Variants in LRRC56 observed in about 807,000 individuals in gnomAD.
LRRC56 encodes leucine rich repeat containing 56.
LRRC56 carries 41 observed loss-of-function variants against 47.8 expected under a neutral mutation model. The ratio of observed to expected loss-of-function variants is 0.86; its 90% CI spans 0.67 to 1.11. The LOEUF is 1.11. Ranked by LOEUF, LRRC56 falls within the 50% of genes most tolerant of loss-of-function variation. LRRC56 has a pLI of 0.00. For synonymous variants in LRRC56, 387 were observed against 311.2 expected (o/e 1.24, Z -2.56); for missense variants, 759 against 704.2 (o/e 1.08, Z -0.88).
upstream of LRRC56, chr11:532,688 G>C (rs1171786943): frequency 6.2e-7 from 1 of 1,613,182 alleles, no homozygotes; most frequent in Non-Finnish European, 8.5e-7. Flanking sequence ...CTCATCAGGA[G>C]GGTTCAGCTT....
chr11:546,079 T>C (rs180773024), intron 6 of LRRC56, among the ~76,000 whole-genome samples: 2 of 151,982 alleles, frequency 1.3e-5, no homozygotes, highest in East Asian at 1.9e-4. Flanking sequence ...GAGACCAGCC[T>C]GACCAACATG....
rs1337564787 is a variant in LRRC56, at chr11:551,657, C to A, written c.803C>A (p.Pro268His). Residue 268 changes from proline (P) to histidine (H), a missense_variant, in exon 10 of 14, where the codon CCC becomes CAC. Transcript: ENST00000270115. ...GCTTCTGAACCTCGGGCAGACTGTC[C>A]CCGTGGAGCCCCCATCCGGAGACTT... ...KGNGLPPLDC[P>H]RGAPIRRLDP... 6.4e-7 allele frequency: 1 copy of A among 1,569,186 alleles called. No homozygotes were observed.
At chr11:535,590 C>T (rs1247356264), upstream of LRRC56, 1 of 150,718 alleles carries the variant, frequency 6.6e-6, no homozygotes, top group East Asian at 1.9e-4. Flanking sequence ...CACGCCCCGC[C>T]CCGCGCCCGT....
the LRRC56 span, among the ~76,000 whole-genome samples, chr11:526,302 A>T: frequency 1.3e-5 from 2 of 152,212 alleles, no homozygotes. Context: ...CGCTAAGGAG[A>T]CGTCCAGGCT....
the LRRC56 span, among the ~76,000 whole-genome samples, chr11:524,696 G>A: frequency 6.6e-6 from 1 of 152,102 alleles, no homozygotes; most frequent in African/African-American, 2.4e-5. Context: ...TCAACAAGCA[G>A]TGTGGGAACA....
upstream of LRRC56, chr11:534,354 C>T (rs2133995677): frequency 6.4e-7 from 1 of 1,553,402 alleles, no homozygotes; most frequent in Non-Finnish European, 8.8e-7. Context: ...CCGGGGTCCT[C>T]CTACAGGGTC....
At chr11:532,706 T>C, upstream of LRRC56, 1 of 1,613,168 alleles carries the variant, frequency 6.2e-7, no homozygotes, top group Non-Finnish European at 8.5e-7. Flanking sequence ...CTTCCGCAGC[T>C]TGTGCTGCCG....
upstream of LRRC56, chr11:532,530 G>A (rs1851164033): frequency 4.1e-6 from 6 of 1,460,252 alleles, no homozygotes; most frequent in South Asian, 4.8e-5. Flanking sequence ...GTGCTGGGCG[G>A]GGCACAAGGG....
the LRRC56 span, among the ~76,000 whole-genome samples, chr11:522,255 TTTTTGTTTTG>T: frequency 5.9e-5 from 9 of 151,356 alleles, no homozygotes; most frequent in Middle Eastern, 3.2e-3. Context: ...ATTTCTGGTT[TTTTTGTTTTG>T]TTTTGTTTTG....
the LRRC56 span, among the ~76,000 whole-genome samples, chr11:516,557 C>G: frequency 6.6e-6 from 1 of 152,142 alleles, no homozygotes; most frequent in Non-Finnish European, 1.5e-5. Flanking sequence ...AAGTGCACAC[C>G]ATGACGCAGT....
chr11:542,268 A>G (rs1851832760), intron 5 of LRRC56, among the ~76,000 whole-genome samples: 2 of 152,062 alleles, frequency 1.3e-5, no homozygotes. Flanking sequence ...ACAGAGGAAC[A>G]AAGGCCAAAA....
intron 3 of LRRC56, among the ~76,000 whole-genome samples, chr11:540,458 G>T (rs942641727): frequency 6.6e-6 from 1 of 152,140 alleles, no homozygotes; most frequent in Non-Finnish European, 1.5e-5. Flanking sequence ...AAGGCTGGGG[G>T]AGGGGAGCGT....
the LRRC56 span, among the ~76,000 whole-genome samples, chr11:523,494 G>T: frequency 6.6e-6 from 1 of 151,710 alleles, no homozygotes; most frequent in South Asian, 2.1e-4. Context: ...AGCCACGTGT[G>T]GTGGTGGGCA....
Position 554,082 on chromosome 11 carries a change from C to A in LRRC56, c.1435C>A (p.Leu479Ile). 1 of 1,608,668 alleles carries A rather than the reference C, an allele frequency of 6.2e-7. No individual in the cohort carries two copies. Among genetic ancestry groups the A allele is most frequent in the Non-Finnish European group, 8.5e-7 (1 of 1,178,794 alleles). ...AGACCTGCAGTCCAGGGGGCGTCGG[C>A]TCCGAGTCCTGGGCAGCTGGGGGCC... is the stretch of plus-strand genomic sequence containing the variant. Reference protein sequence around the residue: ...STDLQSRGRRLRVLGSWGPGL... With the variant: ...STDLQSRGRRIRVLGSWGPGL... The change falls in exon 14 of 14, where the codon CTC becomes ATC. Residue 479 changes from leucine to isoleucine, a missense_variant. Coordinates refer to ENST00000270115, the MANE Select transcript of LRRC56 (RefSeq NM_198075.4).
chr11:521,137 C>T, the LRRC56 span, among the ~76,000 whole-genome samples: 39 of 152,296 alleles, frequency 2.6e-4, no homozygotes, highest in African/African-American at 8.2e-4. Flanking sequence ...TCAGAATTTA[C>T]GCTCCCGCCC....
At chr11:540,980 G>C in intron 4 of LRRC56, 119 bp downstream of exon 4, 2 of 910,904 alleles carry the variant, frequency 2.2e-6, no homozygotes, top group Non-Finnish European at 3.2e-6. Context: ...CTTGCCTGCT[G>C]ATGGTTGGCC....
the LRRC56 span, among the ~76,000 whole-genome samples, chr11:513,582 T>A: frequency 5.3e-5 from 8 of 152,212 alleles, no homozygotes; most frequent in South Asian, 1.5e-3. Flanking sequence ...TCGAGAGGAT[T>A]TTCCAGTTGT....
the LRRC56 span, among the ~76,000 whole-genome samples, chr11:519,048 C>G: frequency 2.7e-5 from 4 of 150,872 alleles, no homozygotes; most frequent in South Asian, 2.1e-4. Flanking sequence ...GGGCAGCTCC[C>G]GTGTGTCCGC....
upstream of LRRC56, chr11:533,628 C>T (rs779917193): frequency 4.3e-6 from 7 of 1,613,494 alleles, no homozygotes; most frequent in Admixed American, 1.7e-5. Flanking sequence ...AGGTGGAAAG[C>T]GAGAGCTGGC....
Sources: allele counts gnomAD v4.1 joint callset (sites outside exome capture counted in the v4.1 genomes callset), GRCh38; gene constraint gnomAD v4.1.1; transcripts MANE v1.5; gene names NCBI Gene and HGNC (gene_info 2026-07-23, HGNC 2026-07-21).